Variants in FRMPD4 observed in about 807,000 individuals in gnomAD.
FRMPD4 encodes FERM and PDZ domain-containing protein 4.
In FRMPD4, 22 loss-of-function variants were observed where a neutral mutation model predicts 94.1. That is an observed-to-expected ratio of 0.23 (90% CI 0.17 to 0.33). FRMPD4 has a LOEUF of 0.33. Ranked by LOEUF, FRMPD4 falls within the 10% of genes least tolerant of loss-of-function variation. The pLI is 1.00. For synonymous variants in FRMPD4, 631 were observed against 548.6 expected, an observed-to-expected ratio of 1.15 and a Z score of -2.10; for missense variants, 1,111 against 1,339.9, an observed-to-expected ratio of 0.83 and a Z score of 2.67.
At chrX:11,894,398 T>C (rs944737474) in intron 3 of FRMPD4, among the ~76,000 whole-genome samples, 2 of 112,484 alleles carry the variant, frequency 1.8e-5, no homozygotes, top group African/African-American at 6.5e-5. Context: ...AGTCTCCAAA[T>C]AGGGCTCTTG....
chrX:12,180,290 G>T (rs963291195), intron 1 of FRMPD4, among the ~76,000 whole-genome samples: 2 of 112,210 alleles, frequency 1.8e-5, no homozygotes, highest in African/African-American at 6.5e-5. Context: ...GGACACTGCA[G>T]ATGTGGAACA....
At chrX:12,284,524 G>A (rs914269196) in intron 1 of FRMPD4, among the ~76,000 whole-genome samples, 1 of 111,816 alleles carries the variant, frequency 8.9e-6, no homozygotes, top group African/African-American at 3.3e-5. Context: ...GCAGGGGTTA[G>A]GAAAGCTGAA....
intron 2 of FRMPD4, among the ~76,000 whole-genome samples, chrX:12,529,897 C>A (rs2058266359): frequency 1.1e-5 from 1 of 95,030 alleles, no homozygotes; most frequent in Admixed American, 1.2e-4. Flanking sequence ...TAGATGTGTA[C>A]TCATATGGTT....
At chrX:12,479,336 AAC>A (rs1165475572) in intron 1 of FRMPD4, among the ~76,000 whole-genome samples, 1 of 78,910 alleles carries the variant, frequency 1.3e-5, no homozygotes, top group African/African-American at 4.7e-5. Context: ...GTAAATGAGC[AAC>A]AGTCTGTATA....
intron 10 of FRMPD4, among the ~76,000 whole-genome samples, chrX:12,703,085 A>G (rs1015090728): frequency 3.5e-5 from 4 of 112,803 alleles, no homozygotes; most frequent in African/African-American, 6.4e-5. Flanking sequence ...TGAACATTGT[A>G]TGGTCAAAAA....
rs145140488 is a variant in FRMPD4, at chrX:11,976,820, C to A, written c.95+98802C>A. Among the ~76,000 whole-genome samples the A allele has an allele frequency of 8.6e-3, 963 of 111,900 alleles. 7 individuals are homozygous for A. The highest frequency in any genetic ancestry group is 0.03 in the African/African-American group (934 of 30,850). On this transcript the variant is annotated intron_variant, in intron 3 of 18. Coordinates refer to the FRMPD4 transcript ENST00000640291. Reference sequence around the variant, plus strand: ...CCCCAAATGGCTGTGATTCAGCAGCCTTTATTAGATCTAATTCTTTCCTCC... The same window carrying A: ...CCCCAAATGGCTGTGATTCAGCAGCATTTATTAGATCTAATTCTTTCCTCC...
intron 3 of FRMPD4, among the ~76,000 whole-genome samples, chrX:11,912,125 A>G (rs2053999939): frequency 8.9e-6 from 1 of 111,891 alleles, no homozygotes; most frequent in Non-Finnish European, 1.9e-5. Context: ...AGTCTTTTCA[A>G]TTGAAGTTGG....
At chrX:11,873,953 C>A (rs940979908) in intron 2 of FRMPD4, among the ~76,000 whole-genome samples, 6 of 110,617 alleles carry the variant, frequency 5.4e-5, no homozygotes, top group Admixed American at 4.8e-4. Flanking sequence ...GGCTGAGTCT[C>A]CAGAATCACT....
At chrX:12,355,896 A>C (rs772490978) in intron 1 of FRMPD4, among the ~76,000 whole-genome samples, 3 of 111,913 alleles carry the variant, frequency 2.7e-5, no homozygotes, top group Non-Finnish European at 3.8e-5. Flanking sequence ...AGGAACGTCA[A>C]AGTGATTGCC....
At chrX:12,441,187 G>A (rs1475790343) in intron 1 of FRMPD4, among the ~76,000 whole-genome samples, 1 of 111,772 alleles carries the variant, frequency 8.9e-6, no homozygotes, top group African/African-American at 3.3e-5. Flanking sequence ...CATCTCTTAG[G>A]GAAACTACAG....
chrX:12,016,187 G>A (rs1032681705), intron 3 of FRMPD4, among the ~76,000 whole-genome samples: 3 of 111,741 alleles, frequency 2.7e-5, no homozygotes, highest in Non-Finnish European at 5.6e-5. Flanking sequence ...GAAGAAAGTT[G>A]AGAGTGAGGC....
At chrX:12,140,910 G>C (rs1403472594) in intron 1 of FRMPD4, among the ~76,000 whole-genome samples, 1 of 111,698 alleles carries the variant, frequency 9.0e-6, no homozygotes, top group Non-Finnish European at 1.9e-5. Flanking sequence ...CCAGTAGAGT[G>C]TTTATTCTAA....
intron 3 of FRMPD4, among the ~76,000 whole-genome samples, chrX:12,086,766 T>C (rs1418878407): frequency 8.9e-6 from 1 of 112,016 alleles, no homozygotes; most frequent in Admixed American, 9.4e-5. Context: ...CCAGTTTCCA[T>C]GGGTCAGAAG....
intron 1 of FRMPD4, among the ~76,000 whole-genome samples, chrX:12,289,819 C>A (rs980410666): frequency 9.0e-6 from 1 of 111,712 alleles, no homozygotes; most frequent in African/African-American, 3.3e-5. Flanking sequence ...GGTGTTGGAG[C>A]CTTAGGCCAA....
intron 3 of FRMPD4, among the ~76,000 whole-genome samples, chrX:12,009,560 G>A (rs1203124127): frequency 8.9e-6 from 1 of 112,310 alleles, no homozygotes; most frequent in Non-Finnish European, 1.9e-5. Context: ...ATACCAAATA[G>A]TAAAGAAGTG....
intron 1 of FRMPD4, among the ~76,000 whole-genome samples, chrX:12,278,312 C>T (rs186137964): frequency 9.1e-4 from 102 of 111,995 alleles, no homozygotes; most frequent in African/African-American, 3.2e-3. Context: ...TGATATTCAC[C>T]CATTTCAGCT....
chrX:12,066,871 G>GTTTTTTTTTTTTTT (rs201251837), intron 3 of FRMPD4, among the ~76,000 whole-genome samples: 6 of 100,082 alleles, frequency 6.0e-5, no homozygotes, highest in African/African-American at 1.1e-4. Flanking sequence ...TTTTGTTTTT[G>GTTTTTTTTTTTTTT]TTTTTGTTTT....
chrX:12,071,978 C>T (rs1400796378), intron 3 of FRMPD4, among the ~76,000 whole-genome samples: 1 of 111,517 alleles, frequency 9.0e-6, no homozygotes, highest in Non-Finnish European at 1.9e-5. Flanking sequence ...TCATTGGTAT[C>T]TATTTTTATT....
At chrX:11,980,490 A>G (rs1221245992) in intron 3 of FRMPD4, among the ~76,000 whole-genome samples, 7 of 111,146 alleles carry the variant, frequency 6.3e-5, no homozygotes, top group African/African-American at 1.6e-4. Flanking sequence ...TGGGTTTCTG[A>G]TATTTTCCCC....
Sources: gnomAD v4.1 joint callset for allele counts (sites outside exome capture counted in the v4.1 genomes callset) on GRCh38, gnomAD v4.1.1 for gene constraint, MANE v1.5 for transcripts, NCBI Gene and HGNC (gene_info 2026-07-23, HGNC 2026-07-21) for gene names.